CAB39: variants seen among roughly 807,000 people sequenced by gnomAD.
CAB39 encodes calcium-binding protein 39.
CAB39 carries 8 observed loss-of-function variants against 40.0 expected under a neutral mutation model. That is an observed-to-expected ratio of 0.20 (90% CI 0.12 to 0.36). The LOEUF is 0.36. Among genes scored for constraint, CAB39 ranks in the 10% least tolerant of loss-of-function variants. The pLI, the probability that CAB39 is intolerant of heterozygous loss-of-function variation, is 1.00. For missense variants in CAB39, 270 were observed against 401.1 expected (o/e 0.67, Z 2.79); for synonymous variants, 156 against 141.6 (o/e 1.10, Z -0.72).
intron 4 of CAB39, among the ~76,000 whole-genome samples, chr2:230,798,526 C>G (rs1486968022): frequency 6.6e-6 from 1 of 152,190 alleles, no homozygotes; most frequent in Non-Finnish European, 1.5e-5. Context: ...CATCACCAAC[C>G]AGTGTGTGTT....
chr2:230,780,218 G>T (rs1315988788), intron 2 of CAB39, among the ~76,000 whole-genome samples: 2 of 152,178 alleles, frequency 1.3e-5, no homozygotes, highest in Non-Finnish European at 2.9e-5. Context: ...CCTTACCTGT[G>T]AAGAAAAGGC....
chr2:230,811,143 C>G (rs1696297147), intron 6 of CAB39, among the ~76,000 whole-genome samples: 2 of 152,174 alleles, frequency 1.3e-5, no homozygotes, highest in South Asian at 2.1e-4. Context: ...ACTTAAAACT[C>G]CTGTCTATCC....
At chr2:230,808,605 C>G (rs1169230494) in intron 5 of CAB39, among the ~76,000 whole-genome samples, 1 of 150,178 alleles carries the variant, frequency 6.7e-6, no homozygotes, top group East Asian at 1.9e-4. Flanking sequence ...TGTAGCACTT[C>G]TTGCCAAACT....
intron 5 of CAB39, among the ~76,000 whole-genome samples, chr2:230,804,995 C>G (rs577514691): frequency 2.0e-5 from 3 of 152,284 alleles, no homozygotes; most frequent in African/African-American, 7.2e-5. Context: ...TTGGAACCAA[C>G]CCAAATGTCC....
At chr2:230,752,563 C>T (rs1034514395) in intron 1 of CAB39, among the ~76,000 whole-genome samples, 17 of 152,186 alleles carry the variant, frequency 1.1e-4, no homozygotes, top group African/African-American at 3.6e-4. Context: ...GACAGGAGGG[C>T]AGAGTCCTCA....
intron 1 of CAB39, among the ~76,000 whole-genome samples, chr2:230,735,819 A>C (rs1249038994): frequency 1.3e-5 from 2 of 152,182 alleles, no homozygotes; most frequent in Non-Finnish European, 2.9e-5. Flanking sequence ...CCAACAACAA[A>C]AAAAATATTT....
intron 1 of CAB39, among the ~76,000 whole-genome samples, chr2:230,734,446 G>A (rs1694749003): frequency 6.6e-6 from 1 of 152,156 alleles, no homozygotes; most frequent in Non-Finnish European, 1.5e-5. Flanking sequence ...GGCCAGCAGG[G>A]ATGTGGTCAG....
intron 5 of CAB39, among the ~76,000 whole-genome samples, chr2:230,808,464 G>C (rs932123304): frequency 6.6e-6 from 1 of 152,184 alleles, no homozygotes; most frequent in Non-Finnish European, 1.5e-5. Flanking sequence ...GGTGCTGTCC[G>C]TACTTGATAA....
chr2:230,737,187 C>T lies in CAB39; in HGVS notation c.-43-22772C>T, dbSNP rs374118428. On this transcript the variant is annotated intron_variant, in intron 1 of 8. Coordinates refer to ENST00000258418, the MANE Select transcript of CAB39 (RefSeq NM_016289.4). ...ATTTTTTAAATTGATGACACTGAAACCCAATATGTAAAACTGATAAGAGTG... is the reference window on the plus strand; with the variant it reads ...ATTTTTTAAATTGATGACACTGAAATCCAATATGTAAAACTGATAAGAGTG... Among the ~76,000 whole-genome samples the T allele has an allele frequency of 3.3e-5, 5 of 152,114 alleles. No homozygotes were observed. The East Asian group carries it at 9.6e-4, about 29-fold the overall frequency.
At chr2:230,766,245 A>G (rs996350478) in intron 2 of CAB39, among the ~76,000 whole-genome samples, 20 of 152,224 alleles carry the variant, frequency 1.3e-4, no homozygotes, top group Non-Finnish European at 2.5e-4. Flanking sequence ...ATTCTAATCA[A>G]TGCATAAAGA....
intron 1 of CAB39, among the ~76,000 whole-genome samples, chr2:230,747,482 A>C (rs1410005194): frequency 6.6e-6 from 1 of 152,236 alleles, no homozygotes; most frequent in Non-Finnish European, 1.5e-5. Context: ...ACAAAATGAA[A>C]ACACATGTAG....
intron 1 of CAB39, among the ~76,000 whole-genome samples, chr2:230,744,874 T>C (rs1694945870): frequency 1.3e-5 from 2 of 152,250 alleles, no homozygotes; most frequent in South Asian, 4.1e-4. Flanking sequence ...GAGCTGTTGC[T>C]ACTTTGTAAA....
At chr2:230,812,228 G>T (rs576062323) in intron 6 of CAB39, among the ~76,000 whole-genome samples, 1 of 152,176 alleles carries the variant, frequency 6.6e-6, no homozygotes, top group Non-Finnish European at 1.5e-5. Context: ...TCTCCTTGGC[G>T]TTCTTAAAGG....
chr2:230,796,304 C>A (rs917774902), intron 4 of CAB39, among the ~76,000 whole-genome samples: 1 of 152,086 alleles, frequency 6.6e-6, no homozygotes, highest in African/African-American at 2.4e-5. Flanking sequence ...TACTAGCATG[C>A]ATTTGAAGTC....
At chr2:230,799,939 G>A (rs572171098) in intron 5 of CAB39, among the ~76,000 whole-genome samples, 34 of 150,948 alleles carry the variant, frequency 2.3e-4, no homozygotes, top group African/African-American at 8.3e-4. Flanking sequence ...GTGGTAACCC[G>A]AGAATCACAC....
At chr2:230,758,150 T>A (rs990264767) in intron 1 of CAB39, among the ~76,000 whole-genome samples, 1 of 151,936 alleles carries the variant, frequency 6.6e-6, no homozygotes, top group Non-Finnish European at 1.5e-5. Flanking sequence ...ATACAAAAAT[T>A]AGCTGGGTTG....
At chr2:230,724,205 C>T (rs1694509103) in intron 1 of CAB39, among the ~76,000 whole-genome samples, 1 of 151,096 alleles carries the variant, frequency 6.6e-6, no homozygotes, top group African/African-American at 2.4e-5. Flanking sequence ...CGAGATTGCG[C>T]CACTGCACTC....
At chr2:230,748,696 C>T (rs184192930) in intron 1 of CAB39, among the ~76,000 whole-genome samples, 538 of 150,210 alleles carry the variant, frequency 3.6e-3, no homozygotes, top group Non-Finnish European at 5.7e-3. Flanking sequence ...GTCCCAGCTA[C>T]ATAGGGAGGC....
chr2:230,779,309 A>G (rs1341577575), intron 2 of CAB39: 4 of 152,144 alleles, frequency 2.6e-5, no homozygotes, highest in Non-Finnish European at 5.9e-5. Flanking sequence ...CCACACTCCC[A>G]CCACATACGG....
Sources: gnomAD v4.1 joint callset for allele counts (sites outside exome capture counted in the v4.1 genomes callset) on GRCh38, gnomAD v4.1.1 for gene constraint, MANE v1.5 for transcripts, NCBI Gene and HGNC (gene_info 2026-07-23, HGNC 2026-07-21) for gene names.